Variants in AFF3 observed in about 807,000 individuals in gnomAD.
AFF3 encodes ALF transcription elongation factor 3.
In AFF3, 32 loss-of-function variants were observed where a neutral mutation model predicts 129.7. That is an observed-to-expected ratio of 0.25 (90% CI 0.19 to 0.33). The LOEUF (loss-of-function observed/expected upper bound fraction) is 0.33. Among genes scored for constraint, AFF3 ranks in the 10% least tolerant of loss-of-function variants. AFF3 has a pLI of 1.00. For synonymous variants in AFF3, 644 were observed against 635.4 expected, an observed-to-expected ratio of 1.01 and a Z score of -0.20; for missense variants, 1,373 against 1,592.0, an observed-to-expected ratio of 0.86 and a Z score of 2.34.
chr2:99,799,688 C>T (rs183335556), intron 8 of AFF3, among the ~76,000 whole-genome samples: 22 of 152,040 alleles, frequency 1.4e-4, no homozygotes, highest in African/African-American at 3.4e-4. Context: ...AGAATAAAAT[C>T]GAAAGATTAT....
chr2:99,646,392 G>C (rs1321234850), intron 13 of AFF3, among the ~76,000 whole-genome samples: 1 of 152,174 alleles, frequency 6.6e-6, no homozygotes, highest in Admixed American at 6.5e-5. Context: ...CAGAATTATA[G>C]AACTCAGGAA....
At chr2:99,639,318 C>T (rs1171058801) in intron 13 of AFF3, among the ~76,000 whole-genome samples, 2 of 152,172 alleles carry the variant, frequency 1.3e-5, no homozygotes, top group Admixed American at 6.5e-5. Flanking sequence ...CGACAGCCTG[C>T]GTTTGTTCAC....
intron 7 of AFF3, among the ~76,000 whole-genome samples, chr2:99,924,328 C>T (rs1240539405): frequency 6.6e-6 from 1 of 152,190 alleles, no homozygotes; most frequent in Non-Finnish European, 1.5e-5. Context: ...CTTAAATATC[C>T]TTCAAGGTTC....
chr2:99,729,241 C>T (rs183423513), intron 10 of AFF3, among the ~76,000 whole-genome samples: 249 of 152,212 alleles, frequency 1.6e-3, no homozygotes, highest in African/African-American at 5.5e-3. Context: ...AAAATAAAAA[C>T]GAAGGCATTG....
At chr2:99,935,816 A>G (rs1005496585) in intron 7 of AFF3, among the ~76,000 whole-genome samples, 2 of 152,200 alleles carry the variant, frequency 1.3e-5, no homozygotes, top group Non-Finnish European at 2.9e-5. Context: ...ATTTGAATAC[A>G]CTTCAGTTTT....
At chr2:99,606,719 C>A (rs1348531281) in intron 13 of AFF3, among the ~76,000 whole-genome samples, 3 of 151,966 alleles carry the variant, frequency 2.0e-5, no homozygotes, top group Non-Finnish European at 2.9e-5. Context: ...TCAAGACCAT[C>A]CTGGCTAACA....
chr2:99,742,746 T>C (rs116244695), intron 10 of AFF3, among the ~76,000 whole-genome samples: 1,860 of 152,354 alleles, frequency 0.012, 41 homozygotes, highest in African/African-American at 0.042. Flanking sequence ...GAAACTCATC[T>C]TCTTCATGTG....
chr2:99,594,694 T>G (rs1679114101), intron 14 of AFF3, among the ~76,000 whole-genome samples: 1 of 152,206 alleles, frequency 6.6e-6, no homozygotes. Flanking sequence ...CACTTGTTTT[T>G]TTGGTGAGAC....
chr2:99,690,155 T>TTTATTA (rs200485697), intron 11 of AFF3, among the ~76,000 whole-genome samples: 2,197 of 122,980 alleles, frequency 0.018, 21 homozygotes, highest in Middle Eastern at 0.025. Flanking sequence ...AACCACAATC[T>TTTATTA]TTATTATTAT....
At chr2:99,761,702 T>G (rs1485439411) in intron 8 of AFF3, among the ~76,000 whole-genome samples, 1 of 152,200 alleles carries the variant, frequency 6.6e-6, no homozygotes, top group African/African-American at 2.4e-5. Flanking sequence ...TAGAAAAAAT[T>G]TAAGCCATGT....
chr2:99,672,176 TCTCACACACACACACACACACACA>T (rs1321608663), intron 12 of AFF3, among the ~76,000 whole-genome samples: 4 of 37,260 alleles, frequency 1.1e-4, no homozygotes, highest in African/African-American at 2.0e-4. Context: ...CCAGTTAGCT[TCTCACACACACACACACACACACA>T]CACACACACA....
intron 7 of AFF3, among the ~76,000 whole-genome samples, chr2:99,847,289 C>T (rs1028756304): frequency 1.3e-5 from 2 of 151,906 alleles, no homozygotes; most frequent in African/African-American, 4.8e-5. Flanking sequence ...AATTCTCCCG[C>T]CTCAGCCTCC....
chr2:100,016,036 G>A (rs373986974), intron 4 of AFF3, among the ~76,000 whole-genome samples: 1 of 145,666 alleles, frequency 6.9e-6, no homozygotes, highest in African/African-American at 2.6e-5. Context: ...GGTGGTGGTG[G>A]TGATGGTGAT....
chr2:99,852,579 T>C (rs1385503154), intron 7 of AFF3, among the ~76,000 whole-genome samples: 3 of 152,226 alleles, frequency 2.0e-5, no homozygotes, highest in Non-Finnish European at 4.4e-5. Flanking sequence ...TGGGCACCAA[T>C]GCTGTGCCAG....
intron 12 of AFF3, among the ~76,000 whole-genome samples, chr2:99,670,994 C>T (rs1016012819): frequency 2.1e-4 from 32 of 152,042 alleles, no homozygotes; most frequent in African/African-American, 6.8e-4. Context: ...ATGTATAGTA[C>T]GTCATTAGTA....
At chr2:99,865,446 A>G (rs1224332562) in intron 7 of AFF3, among the ~76,000 whole-genome samples, 1 of 152,250 alleles carries the variant, frequency 6.6e-6, no homozygotes, top group African/African-American at 2.4e-5. Context: ...TGGGTGAGCC[A>G]CACAGAGTTC....
At chr2:99,780,317 A>G (rs1244483661) in intron 8 of AFF3, among the ~76,000 whole-genome samples, 1 of 152,078 alleles carries the variant, frequency 6.6e-6, no homozygotes. Flanking sequence ...TGAGTAAATA[A>G]TTCTCTCCTA....
At chr2:100,115,159 C>G (rs1691690167) in intron 2 of AFF3, among the ~76,000 whole-genome samples, 1 of 152,188 alleles carries the variant, frequency 6.6e-6, no homozygotes, top group Admixed American at 6.5e-5. Flanking sequence ...AGAGCAGACT[C>G]TTTATCTATC....
intron 7 of AFF3, among the ~76,000 whole-genome samples, chr2:99,959,896 C>T (rs541028593): frequency 5.3e-4 from 80 of 151,948 alleles, no homozygotes; most frequent in Non-Finnish European, 9.3e-4. Context: ...CCTGCATCAA[C>T]CAATCACATC....
Sources: gnomAD v4.1 joint callset for allele counts (sites outside exome capture counted in the v4.1 genomes callset) on GRCh38, gnomAD v4.1.1 for gene constraint, MANE v1.5 for transcripts, NCBI Gene and HGNC (gene_info 2026-07-23, HGNC 2026-07-21) for gene names.